Variants in TMPRSS6 observed in about 807,000 individuals in gnomAD.
The protein encoded by TMPRSS6 is transmembrane protease serine 6.
In TMPRSS6, 67 loss-of-function variants were observed where a neutral mutation model predicts 101.5. The ratio of observed to expected loss-of-function variants is 0.66; its 90% CI spans 0.54 to 0.81. The LOEUF is 0.81. TMPRSS6 is among the 30% of genes least tolerant of loss of function. The pLI, the probability that TMPRSS6 is intolerant of heterozygous loss-of-function variation, is 0.00. For synonymous variants in TMPRSS6, 453 were observed against 464.9 expected (o/e 0.97, Z 0.33); for missense variants, 1,034 against 1,088.7 (o/e 0.95, Z 0.71).
chr22:37,106,728 G>A (rs1286622805), intron 1 of TMPRSS6, among the ~76,000 whole-genome samples: 4 of 151,998 alleles, frequency 2.6e-5, no homozygotes, highest in Admixed American at 6.6e-5. Flanking sequence ...CCCTTGCTGC[G>A]ACATCCAAGA....
chr22:37,078,863 G>A (rs796915647), intron 10 of TMPRSS6, among the ~76,000 whole-genome samples: 1 of 45,272 alleles, frequency 2.2e-5, no homozygotes, highest in Non-Finnish European at 4.3e-5. Context: ...GGAGAAGAAG[G>A]AGAAGAGGAA....
rs907498252 is a variant in TMPRSS6 at position 37,065,972 on chromosome 22, C to T, written c.*108G>A. On this transcript the variant is annotated 3_prime_UTR_variant, in exon 18 of 18. Transcript: ENST00000676104. ...GATGCCACCTCCTGCCACCACAGGG[C>T]CTGCTCTCTCCCCCACCCCCCGCCA... is the stretch of plus-strand genomic sequence containing the variant. 4.1e-6 allele frequency: 6 copies of T among 1,449,120 alleles called. No individual in the cohort carries two copies. The highest frequency in any genetic ancestry group is 1.2e-5 in the South Asian group (1 of 85,430). 89.8% of individuals were successfully genotyped at this position (1,449,120 alleles called of 1,614,324 possible). A position where few individuals can be genotyped will look rare whatever the true frequency, so the allele number is the denominator to read the frequency against.
rs1926352109 is a variant in TMPRSS6, at chr22:37,066,928, C to T, written c.2148G>A (p.Val716=). The T allele has an allele frequency of 6.2e-7, 1 of 1,614,196 alleles. No homozygotes were observed. The highest frequency in any genetic ancestry group is 8.5e-7 in the Non-Finnish European group (1 of 1,180,042). Residue 716 remains valine, a synonymous_variant, in exon 17 of 18, where the codon GTG becomes GTA. Transcript: ENST00000676104. ...PISNALQKVD[V]QLIPQDLCSE... is the part of the protein sequence containing the mutation. Reference sequence around the variant, plus strand: ...TGCACAGGTCCTGTGGGATCAACTGCACATCCACTTTCTGCAGAGCGTTGC... The same window carrying T: ...TGCACAGGTCCTGTGGGATCAACTGTACATCCACTTTCTGCAGAGCGTTGC...
At chr22:37,085,444 C>T (rs1808995490) in intron 8 of TMPRSS6, among the ~76,000 whole-genome samples, 1 of 152,190 alleles carries the variant, frequency 6.6e-6, no homozygotes, top group Admixed American at 6.5e-5. Context: ...CTATGCCAGA[C>T]AGTTTGGGGA....
At position 37,080,644 on chromosome 22, in the gene TMPRSS6, C is replaced by T. The variant is rs116879487; in HGVS notation, c.1196+3651G>A. ...AGTGCGGATGGTTTGCAGGCGCCAC[C>T]TCTGCCTTCCCTTCCACATTCATTC... On this transcript the variant is annotated intron_variant, in intron 10 of 17. Coordinates refer to ENST00000676104, the MANE Select transcript of TMPRSS6 (RefSeq NM_001374504.1). Among the ~76,000 whole-genome samples, 138 of 152,378 alleles carry T rather than the reference C, an allele frequency of 9.1e-4. 1 individual carries two copies. Among genetic ancestry groups the T allele is most frequent in the Non-Finnish European group, 1.5e-3 (101 of 68,034 alleles).
In TMPRSS6 at chr22:37,095,921, C is replaced by T. The variant is rs1237361829; in HGVS notation, c.574G>A (p.Gly192Ser). Residue 192 changes from glycine to serine, a missense_variant, in exon 5 of 18, where the codon GGC becomes AGC. Transcript: ENST00000676104. ...YRAEYEVDPE[G>S]LVILEASVKD... ...CAGTACTGACCCAGGATCACTAGGC[C>T]CTCGGGGTCCACTTCGTACTCGGCC... 1.9e-6 allele frequency: 3 copies of T among 1,614,028 alleles called. No homozygotes were observed. The highest frequency in any genetic ancestry group is 2.5e-6 in the Non-Finnish European group (3 of 1,180,018).
chr22:37,094,019 T>TTATATA (rs56784584), intron 6 of TMPRSS6, among the ~76,000 whole-genome samples: 25 of 149,960 alleles, frequency 1.7e-4, no homozygotes, highest in African/African-American at 5.9e-4. Flanking sequence ...TGAGACTCTG[T>TTATATA]TATATATATA....
chr22:37,075,161 T>C lies in TMPRSS6; in HGVS notation c.1316A>G (p.His439Arg), dbSNP rs763671700. The change falls in exon 11 of 18, where the codon CAC becomes CGC. Residue 439 changes from histidine (H) to arginine (R), a missense_variant. Transcript: ENST00000676104. Reference sequence around the variant, plus strand: ...GTCCGACTGGTTGTACAAGCCATAGTGCACCCGCACACCGGGCCCGGTGAG... The same window carrying C: ...GTCCGACTGGTTGTACAAGCCATAGCGCACCCGCACACCGGGCCCGGTGAG... Reference protein sequence around the residue: ...ISLTGPGVRVHYGLYNQSDPC... With the variant: ...ISLTGPGVRVRYGLYNQSDPC... 1 of 1,613,892 alleles carries C rather than the reference T, an allele frequency of 6.2e-7. No homozygotes were observed. Among genetic ancestry groups the C allele is most frequent in the African/African-American group, 1.3e-5 (1 of 74,918 alleles).
intron 10 of TMPRSS6, among the ~76,000 whole-genome samples, chr22:37,081,684 G>A (rs1928282222): frequency 6.6e-6 from 1 of 152,114 alleles, no homozygotes; most frequent in South Asian, 2.1e-4. Context: ...GAGCTGTCAG[G>A]CCTCATCCTC....
intron 10 of TMPRSS6, among the ~76,000 whole-genome samples, chr22:37,081,799 T>C (rs971608195): frequency 6.6e-6 from 1 of 152,184 alleles, no homozygotes; most frequent in Non-Finnish European, 1.5e-5. Flanking sequence ...CTGGTCCCAG[T>C]TTCCCCACCT....
At chr22:37,099,742 G>T (rs1041184709) in intron 2 of TMPRSS6, among the ~76,000 whole-genome samples, 2 of 152,190 alleles carry the variant, frequency 1.3e-5, no homozygotes, top group African/African-American at 4.8e-5. Flanking sequence ...GGAGGTCAGG[G>T]AAGAAGGTGA....
chr22:37,103,100 A>G lies in TMPRSS6; in HGVS notation c.202+116T>C. ...GAACAGAAGTGACTTGCCCAAGGTC[A>G]CACAGCAATATGCTAAGCACGGCTG... On this transcript the variant is annotated intron_variant, in intron 2 of 17. Coordinates refer to ENST00000676104, the MANE Select transcript of TMPRSS6 (RefSeq NM_001374504.1). This position sits in a 1 kb window ranked among gnomAD's most constrained non-coding sequence, Gnocchi z 4.4. 9.0e-7 allele frequency: 1 copy of G among 1,110,472 alleles called. No individual in the cohort carries two copies. The highest frequency in any genetic ancestry group is 1.3e-6 in the Non-Finnish European group (1 of 749,894). 68.8% of individuals were successfully genotyped at this position (1,110,472 alleles called of 1,614,324 possible).
intron 10 of TMPRSS6, among the ~76,000 whole-genome samples, chr22:37,076,949 G>A (rs761419543): frequency 3.9e-5 from 6 of 152,198 alleles, no homozygotes; most frequent in South Asian, 2.1e-4. Context: ...CTGCGGAGCC[G>A]GCCATGATTC....
Position 37,069,846 on chromosome 22 carries a change from C to A in TMPRSS6, c.1842-502G>T, listed in dbSNP as rs1267306866. On this transcript the variant is annotated intron_variant, in intron 15 of 17. Coordinates refer to ENST00000676104, the MANE Select transcript of TMPRSS6 (RefSeq NM_001374504.1). This position sits in a 1 kb window ranked among gnomAD's most constrained non-coding sequence, Gnocchi z 4.8. The stretch of plus-strand genomic sequence containing the variant: ...AGCTGCCTGGGTGGCAGATGGGCAG[C>A]CTTCGGGTCTCTACCCTCTACCTGA... Among the ~76,000 whole-genome samples, 1 of 152,256 alleles carries A rather than the reference C, an allele frequency of 6.6e-6. No homozygotes were observed. The highest frequency in any genetic ancestry group is 2.4e-5 in the African/African-American group (1 of 41,542).
intron 12 of TMPRSS6, 89 bp from the exon 13 acceptor site, chr22:37,073,734 T>A: frequency 1.2e-6 from 1 of 817,186 alleles, no homozygotes; most frequent in Non-Finnish European, 2.2e-6. Flanking sequence ...TGTGCTGTAT[T>A]GCACGTTACC....
chr22:37,096,290 G>T (rs145925310), intron 4 of TMPRSS6, among the ~76,000 whole-genome samples, 200 bp from the exon 5 acceptor site: 9 of 152,344 alleles, frequency 5.9e-5, no homozygotes, highest in African/African-American at 2.2e-4. Context: ...CATGAGAGGT[G>T]AACTTGTGTC....
Position 37,076,069 on chromosome 22 carries a change from AAAG to A in TMPRSS6, c.1197-792_1197-790del, listed in dbSNP as rs1439755894. On this transcript the variant is annotated intron_variant, in intron 10 of 17. Transcript: ENST00000676104. ...GAGAGAGGGAGGGAAAGAAAAAAGAAAAGAAAAGAAAGAAAGAGAAAGAAAGAA... is the reference window on the plus strand; with the variant it reads ...GAGAGAGGGAGGGAAAGAAAAAAGAAAAAAGAAAGAAAGAGAAAGAAAGAA... Among the ~76,000 whole-genome samples, 3 of 152,068 alleles carry A rather than the reference AAAG, an allele frequency of 2.0e-5. No homozygotes were observed. In the East Asian group the frequency reaches 5.8e-4, roughly 29 times the overall value.
At chr22:37,086,503 G>A (rs1033291671) in intron 7 of TMPRSS6, 84 bp from the exon 8 acceptor site, 3 of 1,422,662 alleles carry the variant, frequency 2.1e-6, no homozygotes, top group African/African-American at 2.8e-5. Context: ...GCTGGGGGAG[G>A]GTGGACGGGA....
intron 7 of TMPRSS6, among the ~76,000 whole-genome samples, chr22:37,087,870 C>T (rs1040016052): frequency 6.6e-6 from 1 of 152,036 alleles, no homozygotes; most frequent in African/African-American, 2.4e-5. Context: ...ATATGGAACG[C>T]AGAATCAAAG....
Sources: allele counts gnomAD v4.1 joint callset (sites outside exome capture counted in the v4.1 genomes callset), GRCh38; gene constraint gnomAD v4.1.1; non-coding constraint Gnocchi (gnomAD v3.1); transcripts MANE v1.5; gene names NCBI Gene and HGNC (gene_info 2026-07-23, HGNC 2026-07-21).